The following FUT9 variants were observed in gnomAD, a reference collection of about 807,000 sequenced individuals.
FUT9 encodes the protein 4-galactosyl-N-acetylglucosaminide 3-alpha-L-fucosyltransferase 9.
A neutral mutation model predicts 29.7 loss-of-function variants in FUT9; 15 were observed. That is an observed-to-expected ratio of 0.51 (90% CI 0.34 to 0.78). The LOEUF (loss-of-function observed/expected upper bound fraction) is 0.78. Among genes scored for constraint, FUT9 ranks in the 30% least tolerant of loss-of-function variants. The pLI is 0.01. For synonymous variants in FUT9, 169 were observed against 153.7 expected (o/e 1.10, Z -0.74); for missense variants, 319 against 425.4 (o/e 0.75, Z 2.20).
At chr6:96,028,352 G>T (rs1770203146) in intron 1 of FUT9, among the ~76,000 whole-genome samples, 1 of 151,514 alleles carries the variant, frequency 6.6e-6, no homozygotes, top group South Asian at 2.1e-4. Flanking sequence ...AATCACTGTG[G>T]TTTTGGCCAG....
At chr6:96,090,578 C>A (rs951640316) in intron 1 of FUT9, among the ~76,000 whole-genome samples, 2 of 151,390 alleles carry the variant, frequency 1.3e-5, no homozygotes, top group African/African-American at 4.8e-5. Context: ...AAGACAAAAA[C>A]TGATGCTAAG....
intron 1 of FUT9, among the ~76,000 whole-genome samples, chr6:96,080,486 T>C (rs925971226): frequency 1.5e-4 from 23 of 152,004 alleles, no homozygotes; most frequent in African/African-American, 5.5e-4. Context: ...TAAATGTATG[T>C]ATACTCTGCC....
At chr6:96,191,813 G>A (rs1773515918) in intron 2 of FUT9, among the ~76,000 whole-genome samples, 1 of 152,184 alleles carries the variant, frequency 6.6e-6, no homozygotes, top group Admixed American at 6.5e-5. Flanking sequence ...ATAAAATACT[G>A]GCAAACCGAA....
intron 1 of FUT9, chr6:96,020,977 A>T (rs1194125308): frequency 6.6e-6 from 1 of 152,100 alleles, no homozygotes; most frequent in Non-Finnish European, 1.5e-5. Context: ...CACAAGAGTA[A>T]GTATGATTTA....
intron 1 of FUT9, among the ~76,000 whole-genome samples, chr6:96,033,114 C>A (rs1400583430): frequency 1.3e-5 from 2 of 151,576 alleles, no homozygotes; most frequent in Non-Finnish European, 3.0e-5. Context: ...ATTAATTACA[C>A]CTTATGCAGA....
At position 96,207,138 on chromosome 6, in the gene FUT9, G is replaced by A. The variant is rs1773846425; in HGVS notation, c.*2903G>A. ...AATTATAATTTTGTTGTTTATAATTGCTATAATATAGAAATTATAATTGCT... is the reference window on the plus strand; with the variant it reads ...AATTATAATTTTGTTGTTTATAATTACTATAATATAGAAATTATAATTGCT... On this transcript the variant is annotated 3_prime_UTR_variant, in exon 3 of 3. Coordinates refer to ENST00000302103, the MANE Select transcript of FUT9 (RefSeq NM_006581.4). The A allele has an allele frequency of 6.0e-6, 1 of 166,200 alleles. No homozygotes were observed. The highest frequency in any genetic ancestry group is 6.6e-5 in the Admixed American group (1 of 15,240). The allele number at this position is 166,200 out of a possible 1,614,324, so 10.3% of individuals were successfully genotyped here. A position where few individuals can be genotyped will look rare whatever the true frequency, so the allele number is the denominator to read the frequency against.
chr6:96,198,452 C>CT (rs982022348), intron 2 of FUT9, among the ~76,000 whole-genome samples: 11 of 151,974 alleles, frequency 7.2e-5, no homozygotes, highest in East Asian at 3.9e-4. Flanking sequence ...TGAACTCATC[C>CT]TTTTTTATGG....
intron 2 of FUT9, among the ~76,000 whole-genome samples, chr6:96,118,667 A>C (rs1446468544): frequency 1.3e-5 from 2 of 152,200 alleles, no homozygotes; most frequent in Admixed American, 1.3e-4. Context: ...TTAATTATTA[A>C]ACAGCCTCAG....
chr6:96,149,553 A>G (rs903244960), intron 2 of FUT9, among the ~76,000 whole-genome samples: 2 of 152,220 alleles, frequency 1.3e-5, no homozygotes, highest in Non-Finnish European at 2.9e-5. Context: ...AGGAGTGTGT[A>G]TATTATCAGC....
chr6:96,028,808 T>C (rs1241558283), intron 1 of FUT9, among the ~76,000 whole-genome samples: 1 of 151,594 alleles, frequency 6.6e-6, no homozygotes, highest in Non-Finnish European at 1.5e-5. Context: ...GAAGAGCTAA[T>C]TAGAATCATA....
chr6:96,201,249 G>A (rs1477140429), intron 2 of FUT9, among the ~76,000 whole-genome samples: 1 of 151,410 alleles, frequency 6.6e-6, no homozygotes, highest in Admixed American at 6.6e-5. Context: ...TTCTGTATTT[G>A]TACAAAAATA....
rs1012475185 is a variant in FUT9 at position 96,210,791 on chromosome 6, G to C, written c.*6556G>C. 4 of 166,772 alleles carry C rather than the reference G, an allele frequency of 2.4e-5. No homozygotes were observed. The highest frequency in any genetic ancestry group is 9.7e-5 in the African/African-American group (4 of 41,392). The allele number at this position is 166,772 out of a possible 1,614,324, so 10.3% of individuals were successfully genotyped here. Reference sequence around the variant, plus strand: ...ATAGGTAATTTGCAATTGAGATATGGCAAAGAATTGTAGCATCCAAATTTT... The same window carrying C: ...ATAGGTAATTTGCAATTGAGATATGCCAAAGAATTGTAGCATCCAAATTTT... On this transcript the variant is annotated 3_prime_UTR_variant, in exon 3 of 3. Transcript: ENST00000302103.
chr6:96,021,988 T>C (rs1770077787), intron 1 of FUT9, among the ~76,000 whole-genome samples: 1 of 151,956 alleles, frequency 6.6e-6, no homozygotes, highest in Non-Finnish European at 1.5e-5. Context: ...GAGGGAAAAA[T>C]ATACCTCCTA....
At chr6:96,110,634 G>T (rs1204271407) in intron 1 of FUT9, among the ~76,000 whole-genome samples, 1 of 151,860 alleles carries the variant, frequency 6.6e-6, no homozygotes, top group Non-Finnish European at 1.5e-5. Context: ...ACCTATTCTG[G>T]CATTTCTCAA....
intron 2 of FUT9, among the ~76,000 whole-genome samples, chr6:96,175,254 T>C (rs1247226226): frequency 6.6e-6 from 1 of 152,138 alleles, no homozygotes; most frequent in African/African-American, 2.4e-5. Flanking sequence ...ACAGTGCTTC[T>C]CCAAGTCCAT....
chr6:96,208,716 A>C lies in FUT9; in HGVS notation c.*4481A>C, dbSNP rs926629594. On this transcript the variant is annotated 3_prime_UTR_variant, in exon 3 of 3. Transcript: ENST00000302103. Reference sequence around the variant, plus strand: ...GATTAGAAAGGATTTGGATCACGTTAACATTCTATGCAAATATTAGTAACA... The same window carrying C: ...GATTAGAAAGGATTTGGATCACGTTCACATTCTATGCAAATATTAGTAACA... 1 of 166,840 alleles carries C rather than the reference A, an allele frequency of 6.0e-6. No individual in the cohort carries two copies. The highest frequency in any genetic ancestry group is 1.5e-5 in the Non-Finnish European group (1 of 68,008). 10.3% of individuals were successfully genotyped at this position (166,840 alleles called of 1,614,324 possible).
chr6:96,198,536 G>T (rs1192993665), intron 2 of FUT9, among the ~76,000 whole-genome samples: 1 of 152,120 alleles, frequency 6.6e-6, no homozygotes, highest in East Asian at 1.9e-4. Context: ...ATTTGGGTTG[G>T]TTCCAAGTCT....
intron 1 of FUT9, among the ~76,000 whole-genome samples, chr6:96,064,471 G>A (rs1483584978): frequency 2.0e-5 from 3 of 152,204 alleles, no homozygotes; most frequent in South Asian, 2.1e-4. Context: ...AAAAAAATGA[G>A]GGGGCTGATG....
At chr6:96,097,487 T>C (rs891171772) in intron 1 of FUT9, among the ~76,000 whole-genome samples, 1 of 152,202 alleles carries the variant, frequency 6.6e-6, no homozygotes, top group Non-Finnish European at 1.5e-5. Context: ...ATATATATAT[T>C]GTTGTATGAG....
Sources: gnomAD v4.1 joint callset for allele counts (sites outside exome capture counted in the v4.1 genomes callset) on GRCh38, gnomAD v4.1.1 for gene constraint, MANE v1.5 for transcripts, NCBI Gene and HGNC (gene_info 2026-07-23, HGNC 2026-07-21) for gene names.